The following RASGRP1 variants were observed in gnomAD, a reference collection of about 807,000 sequenced individuals.
RASGRP1 encodes the protein RAS guanyl-releasing protein 1.
A neutral mutation model predicts 95.1 loss-of-function variants in RASGRP1; 37 were observed. That is an observed-to-expected ratio of 0.39 (90% CI 0.30 to 0.51). The LOEUF (loss-of-function observed/expected upper bound fraction) is 0.51, where lower values mean the gene tolerates loss of function less well. Among genes scored for constraint, RASGRP1 ranks in the 20% least tolerant of loss-of-function variants. RASGRP1 has a pLI of 0.80. For missense variants in RASGRP1, 711 were observed against 965.4 expected (o/e 0.74, Z 3.49); for synonymous variants, 325 against 353.4 (o/e 0.92, Z 0.90).
intron 1 of RASGRP1, among the ~76,000 whole-genome samples, chr15:38,562,568 C>T (rs1893854178): frequency 6.6e-6 from 1 of 152,210 alleles, no homozygotes; most frequent in Non-Finnish European, 1.5e-5. Context: ...AAGACCTCCA[C>T]CAAAGGCAGA....
intron 16 of RASGRP1, among the ~76,000 whole-genome samples, 159 bp from the exon 17 acceptor site, chr15:38,490,847 A>C (rs1890546449): frequency 6.6e-6 from 1 of 152,230 alleles, no homozygotes. Context: ...AGAAAATAGC[A>C]AGTTAAATAT....
At chr15:38,541,391 G>A (rs992275831) in intron 2 of RASGRP1, among the ~76,000 whole-genome samples, 1 of 152,108 alleles carries the variant, frequency 6.6e-6, no homozygotes, top group African/African-American at 2.4e-5. Flanking sequence ...AGGAGTTTGA[G>A]ACCAGCCTGG....
chr15:38,513,832 C>T (rs1006773666), intron 6 of RASGRP1, among the ~76,000 whole-genome samples: 8 of 152,182 alleles, frequency 5.3e-5, no homozygotes, highest in Non-Finnish European at 7.4e-5. Context: ...CTTCCCTTCT[C>T]AACTCTTCCC....
At chr15:38,509,769 T>TC (rs1891424214) in intron 8 of RASGRP1, among the ~76,000 whole-genome samples, 1 of 152,122 alleles carries the variant, frequency 6.6e-6, no homozygotes, top group African/African-American at 2.4e-5. Context: ...TCTGGGATTT[T>TC]CCATTAAATT....
intron 2 of RASGRP1, among the ~76,000 whole-genome samples, chr15:38,550,798 T>C (rs957056491): frequency 9.2e-5 from 14 of 152,208 alleles, no homozygotes; most frequent in South Asian, 2.1e-4. Context: ...CCCATGAAAG[T>C]TGATAGTGCT....
intron 2 of RASGRP1, among the ~76,000 whole-genome samples, 170 bp from the exon 3 acceptor site, chr15:38,526,574 T>G (rs955821620): frequency 2.0e-5 from 3 of 152,184 alleles, no homozygotes. Context: ...TGCTACATTC[T>G]TCCCTTGCAG....
chr15:38,533,146 T>G (rs1375455595), intron 2 of RASGRP1, among the ~76,000 whole-genome samples: 2 of 152,198 alleles, frequency 1.3e-5, no homozygotes, highest in African/African-American at 2.4e-5. Flanking sequence ...CAGAGACAGA[T>G]CAGCATATGA....
intron 12 of RASGRP1, 62 bp downstream of exon 12, chr15:38,502,250 A>G: frequency 8.6e-7 from 1 of 1,167,578 alleles, no homozygotes; most frequent in Non-Finnish European, 1.2e-6. Flanking sequence ...CTAGTGACAT[A>G]CCTATAAACC....
chr15:38,508,105 C>G (rs1891338416), intron 8 of RASGRP1, 104 bp from the exon 9 acceptor site: 1 of 1,340,954 alleles, frequency 7.5e-7, no homozygotes, highest in South Asian at 1.5e-5. Context: ...CTCACCCCAT[C>G]CAGAATTTGT....
intron 5 of RASGRP1, among the ~76,000 whole-genome samples, chr15:38,517,636 T>C (rs1891839856): frequency 6.6e-6 from 1 of 152,168 alleles, no homozygotes; most frequent in Admixed American, 6.5e-5. Flanking sequence ...GATGAAATGA[T>C]CTCTAGAATA....
At position 38,494,735 on chromosome 15, in the gene RASGRP1, C is replaced by T. The variant is rs975447814; in HGVS notation, c.1906G>A (p.Gly636Arg). The T allele has an allele frequency of 6.6e-7, 1 of 1,508,922 alleles. No homozygotes were observed. 93.5% of individuals were successfully genotyped at this position (1,508,922 alleles called of 1,614,324 possible). Residue 636 changes from glycine (G) to arginine (R), a missense_variant, in exon 16 of 17, where the codon GGG (glycine) becomes AGG (arginine). Physicochemically the swap from Gly to Arg is moderately radical, Grantham distance 125. Around this residue, in one of 3 missense-constraint regions of RASGRP1, gnomAD observed 212 missense variants for 247.8 expected, o/e 0.86. Transcript: ENST00000310803. ...PEEGPFTFPN[G>R]EAVEHGEESK... ...TCCTCACCATGTTCCACAGCCTCCC[C>T]ATTAGGGAATGTAAAAGGTCCTTCC... is the stretch of plus-strand genomic sequence containing the variant.
At chr15:38,505,961 G>C (rs1330644000) in intron 9 of RASGRP1, 41 bp from the exon 10 acceptor site, 1 of 1,464,144 alleles carries the variant, frequency 6.8e-7, no homozygotes, top group East Asian at 2.3e-5. Flanking sequence ...CTAAGATGCT[G>C]TTTGCCTCTC....
At chr15:38,513,075 C>G (rs1487739575) in intron 6 of RASGRP1, 119 bp from the exon 7 acceptor site, 3 of 1,033,546 alleles carry the variant, frequency 2.9e-6, no homozygotes, top group East Asian at 6.1e-5. Flanking sequence ...TGCCATGGAA[C>G]AGAGGAGCTC....
rs750616287 is a variant in RASGRP1, at chr15:38,490,621, A to G, written c.2327T>C (p.Ile776Thr). Residue 776 changes from isoleucine to threonine, a missense_variant, in exon 17 of 17, where the codon ATA becomes ACA. Around this residue, in one of 3 missense-constraint regions of RASGRP1, gnomAD observed 212 missense variants for 247.8 expected, o/e 0.86. Transcript: ENST00000310803. Reference protein sequence around the residue: ...KIQLKYAQKKIESLQLEKSNH... With the variant: ...KIQLKYAQKKTESLQLEKSNH... ...GCTTTTTTCAAGCTGGAGGGATTCT[A>G]TTTTCTTCTGTGCATATTTCAGTTG... The G allele has an allele frequency of 1.6e-5, 25 of 1,612,892 alleles. No individual in the cohort carries two copies. Among genetic ancestry groups the G allele is most frequent in the African/African-American group, 5.3e-5 (4 of 74,806 alleles).
intron 15 of RASGRP1, among the ~76,000 whole-genome samples, chr15:38,496,511 G>A (rs1407162931): frequency 6.6e-6 from 1 of 152,180 alleles, no homozygotes; most frequent in African/African-American, 2.4e-5. Context: ...TGACAGAATT[G>A]TGGTGCCCTA....
chr15:38,564,247 C>A (rs189099917), intron 1 of RASGRP1, among the ~76,000 whole-genome samples: 1 of 152,178 alleles, frequency 6.6e-6, no homozygotes, highest in Non-Finnish European at 1.5e-5. Flanking sequence ...GCGGAAAGTC[C>A]GCGAGTGGGA....
chr15:38,505,157 C>T (rs1254088774), intron 10 of RASGRP1, among the ~76,000 whole-genome samples: 1 of 152,152 alleles, frequency 6.6e-6, no homozygotes, highest in East Asian at 1.9e-4. Flanking sequence ...CAACTCTCTT[C>T]CCTTGAGTAT....
intron 2 of RASGRP1, among the ~76,000 whole-genome samples, chr15:38,544,016 G>A (rs1336446761): frequency 6.6e-6 from 1 of 152,024 alleles, no homozygotes; most frequent in Non-Finnish European, 1.5e-5. Flanking sequence ...TTATTAATAT[G>A]TTCCTTTATG....
intron 2 of RASGRP1, among the ~76,000 whole-genome samples, chr15:38,526,976 C>A (rs1009971809): frequency 6.6e-6 from 1 of 152,084 alleles, no homozygotes; most frequent in African/African-American, 2.4e-5. Context: ...AGACTATGGG[C>A]AAACATTACA....
Sources: gnomAD v4.1 joint callset for allele counts (sites outside exome capture counted in the v4.1 genomes callset) on GRCh38, gnomAD v4.1.1 for gene constraint, gnomAD v4.1.1 regional missense constraint, MANE v1.5 for transcripts, NCBI Gene and HGNC (gene_info 2026-07-23, HGNC 2026-07-21) for gene names.